Variants in HELZ2 observed in about 807,000 individuals in gnomAD.
The protein encoded by HELZ2 is 3'-5' exoribonuclease HELZ2.
Under a neutral mutation model 208.8 loss-of-function variants are expected in HELZ2, and 143 were observed. That is an observed-to-expected ratio of 0.68 (90% CI 0.60 to 0.79). HELZ2 has a LOEUF of 0.79. HELZ2 is among the 30% of genes least tolerant of loss of function. The pLI is 0.00. For synonymous variants in HELZ2, 1,705 were observed against 1,693.7 expected (o/e 1.01, Z -0.16); for missense variants, 3,690 against 3,794.5 (o/e 0.97, Z 0.72).
At chr20:63,570,240 G>A (rs548842438) in intron 3 of HELZ2, 35 of 595,056 alleles carry the variant, frequency 5.9e-5, no homozygotes, top group African/African-American at 3.5e-4. Flanking sequence ...GATTACAGGC[G>A]TGAACCACCG....
exon 8 of HELZ2, chr20:63,563,148 G>T: frequency 6.3e-7 from 1 of 1,593,172 alleles, no homozygotes. Flanking sequence ...AAGCCGTGCT[G>T]CAGGCTGGTG....
chr20:63,567,275 C>T (rs1431442726), exon 6 of HELZ2: 6 of 1,608,644 alleles, frequency 3.7e-6, no homozygotes, highest in Non-Finnish European at 5.1e-6. Context: ...TGCATGTGGT[C>T]GCCCGCCAGC....
chr20:63,569,611 G>A (rs2082999182), exon 4 of HELZ2: 1 of 1,555,296 alleles, frequency 6.4e-7, no homozygotes, highest in Non-Finnish European at 8.7e-7. Context: ...GGAGCCACCA[G>A]AGAGAAGTCG....
chr20:63,571,035 A>T (rs2083011321), intron 1 of HELZ2, 167 bp from the exon 3 acceptor site: 2 of 577,486 alleles, frequency 3.5e-6, no homozygotes, highest in South Asian at 5.1e-5. Context: ...GCAGTTCCCA[A>T]ACATGAACCT....
chr20:63,567,216 G>T (rs764094292), exon 6 of HELZ2: 1 of 1,607,588 alleles, frequency 6.2e-7, no homozygotes, highest in South Asian at 1.1e-5. Flanking sequence ...GCAGCAGCGT[G>T]TGCTCGGCCG....
At chr20:63,574,155 C>T (rs1337554289), upstream of HELZ2, 2 of 150,130 alleles carry the variant, frequency 1.3e-5, no homozygotes, top group Non-Finnish European at 3.0e-5. Flanking sequence ...CGCGCCCCCG[C>T]CCCTCCGCCC....
At chr20:63,567,664 G>A in intron 5 of HELZ2, 37 bp from the exon 7 acceptor site, 8 of 1,575,322 alleles carry the variant, frequency 5.1e-6, no homozygotes, top group Non-Finnish European at 6.9e-6. Flanking sequence ...CTTCTTGCTG[G>A]GGGCCTCAGT....
chr20:63,569,688 AG>A (rs1454721755), intron 3 of HELZ2, 23 bp from the exon 5 acceptor site: 2 of 1,490,746 alleles, frequency 1.3e-6, no homozygotes, highest in Non-Finnish European at 1.8e-6. Context: ...CCAGACGGTG[AG>A]GGGGGCCCAG....
intron 18 of HELZ2, 28 bp downstream of exon 19, chr20:63,559,900 C>A (rs990410004): frequency 1.2e-6 from 2 of 1,602,548 alleles, no homozygotes; most frequent in African/African-American, 2.7e-5. Context: ...TGTGTTCCCA[C>A]CCTGGAAGAG....
Position 63,561,993 on chromosome 20 carries a change from A to G in HELZ2, c.6530-9T>C. 3.8e-6 allele frequency: 6 copies of G among 1,590,130 alleles called. No individual in the cohort carries two copies. The highest frequency in any genetic ancestry group is 5.2e-6 in the Non-Finnish European group (6 of 1,164,646). ...GATCGTCTTCCCTGTACCTGCAGCC[A>G]GAGAATAGGAGATTGTAGCCCACCC... On this transcript the variant is annotated splice_polypyrimidine_tract_variant and intron_variant, in intron 10 of 18. Transcript: ENST00000467148.
Position 63,560,105 on chromosome 20 carries a change from G to A in HELZ2, c.7658-10C>T, listed in dbSNP as rs2082868896. Reference sequence around the variant, plus strand: ...TAGCGCCACTCGCTCCCTGCGGGATGGGAGGTGAGGCCCTGCTGCCGCTGC... The same window carrying A: ...TAGCGCCACTCGCTCCCTGCGGGATAGGAGGTGAGGCCCTGCTGCCGCTGC... On this transcript the variant is annotated splice_polypyrimidine_tract_variant and intron_variant, in intron 17 of 18. Coordinates refer to ENST00000467148, the Ensembl canonical transcript of HELZ2. The A allele has an allele frequency of 6.3e-7, 1 of 1,582,642 alleles. No homozygotes were observed. The highest frequency in any genetic ancestry group is 8.6e-7 in the Non-Finnish European group (1 of 1,169,190).
exon 4 of HELZ2, chr20:63,569,209 G>A (rs771476572): frequency 2.6e-6 from 4 of 1,555,120 alleles, no homozygotes; most frequent in Non-Finnish European, 2.6e-6. Flanking sequence ...ATCCTCTGCC[G>A]ATAGTTGGTT....
intron 15 of HELZ2, 37 bp downstream of exon 16, chr20:63,560,758 C>G (rs780399317): frequency 2.5e-6 from 4 of 1,605,154 alleles, no homozygotes; most frequent in African/African-American, 1.3e-5. Context: ...CCCCCAGGGG[C>G]TGCAGGTGGG....
At chr20:63,563,826 C>A (rs1053908985) in exon 8 of HELZ2, 4 of 1,598,650 alleles carry the variant, frequency 2.5e-6, no homozygotes, top group Non-Finnish European at 3.4e-6. Context: ...GTGTACCAGT[C>A]CACCTGCAGC....
chr20:63,562,486 C>G, intron 8 of HELZ2, 34 bp downstream of exon 9: 1 of 1,539,190 alleles, frequency 6.5e-7, no homozygotes, highest in East Asian at 2.4e-5. Flanking sequence ...GGGGCGGTCC[C>G]CCAGCCCAGC....
chr20:63,563,007 C>A, exon 8 of HELZ2: 1 of 1,601,090 alleles, frequency 6.2e-7, no homozygotes, highest in Non-Finnish European at 8.5e-7. Context: ...GCGTACTCAT[C>A]CACGTCGCGG....
At chr20:63,566,952 A>G in exon 6 of HELZ2, 2 of 1,610,842 alleles carry the variant, frequency 1.2e-6, no homozygotes, top group South Asian at 1.1e-5. Context: ...GCGCAATCTC[A>G]GCCAGATTCA....
At chr20:63,567,768 T>C in intron 5 of HELZ2, 141 bp from the exon 7 acceptor site, 1 of 1,458,404 alleles carries the variant, frequency 6.9e-7, no homozygotes. Flanking sequence ...AACACTGGTG[T>C]CCCTCCTGTC....
intron 5 of HELZ2, 125 bp from the exon 7 acceptor site, chr20:63,567,752 G>A: frequency 6.8e-7 from 1 of 1,465,354 alleles, no homozygotes. Context: ...TCAGAGGTGA[G>A]CAGCAAACAC....
Sources: gnomAD v4.1 joint callset for allele counts on GRCh38, gnomAD v4.1.1 for gene constraint, MANE v1.5 for transcripts, NCBI Gene and HGNC (gene_info 2026-07-23, HGNC 2026-07-21) for gene names.